PRDM10: variants seen among roughly 807,000 people sequenced by gnomAD.
The protein encoded by PRDM10 is PR domain zinc finger protein 10.
In PRDM10, 65 loss-of-function variants were observed where a neutral mutation model predicts 133.1. That is an observed-to-expected ratio of 0.49 (90% CI 0.40 to 0.60). The LOEUF is 0.60. PRDM10 is among the 20% of genes least tolerant of loss of function. The pLI is 0.00. For missense variants in PRDM10, 1,137 were observed against 1,507.1 expected (o/e 0.75, Z 4.07); for synonymous variants, 582 against 580.4 (o/e 1.00, Z -0.04).
intron 1 of PRDM10, among the ~76,000 whole-genome samples, chr11:129,997,288 T>C (rs1262055482): frequency 1.3e-5 from 2 of 152,158 alleles, no homozygotes; most frequent in East Asian, 3.8e-4. Flanking sequence ...CAGACCAGCC[T>C]GGGCAACGTG....
intron 12 of PRDM10, among the ~76,000 whole-genome samples, chr11:129,924,536 C>T (rs1206899484): frequency 6.6e-6 from 1 of 152,170 alleles, no homozygotes; most frequent in African/African-American, 2.4e-5. Flanking sequence ...GGGAGATGTT[C>T]CCAGCCCCTC....
At chr11:129,944,712 C>T in intron 6 of PRDM10, 59 bp downstream of exon 6, 1 of 1,592,062 alleles carries the variant, frequency 6.3e-7, no homozygotes. Context: ...GTAGACAACG[C>T]AGTGCTCCTT....
At position 129,947,275 on chromosome 11, in the gene PRDM10, CA is replaced by C; in HGVS notation, c.389del (p.Leu130ArgfsTer85). The C allele has an allele frequency of 6.2e-7, 1 of 1,614,182 alleles. No homozygotes were observed. The highest frequency in any genetic ancestry group is 8.5e-7 in the Non-Finnish European group (1 of 1,180,024). On this transcript the variant is annotated frameshift_variant, in exon 5 of 21. Coordinates refer to ENST00000360871, the MANE Select transcript of PRDM10 (RefSeq NM_199437.2). LOFTEE classifies it high-confidence loss of function. The surrounding 1 kb of genome is among the most constrained non-coding windows in gnomAD (Gnocchi z 4.6). ...LATLQTPLGR[L>X]EAKEEEDEDE... ...CCTCATCCTCTTCCTCTTTGGCCTC[CA>C]GTCTGCCTAGAGGGGTCTGCAGAGT...
intron 1 of PRDM10, among the ~76,000 whole-genome samples, chr11:130,001,364 C>G (rs1018690317): frequency 4.6e-5 from 7 of 152,086 alleles, no homozygotes; most frequent in Non-Finnish European, 1.0e-4. Flanking sequence ...GAGAACAGGT[C>G]AGAAAAAGAG....
chr11:129,971,948 T>C (rs1406506961), intron 1 of PRDM10, among the ~76,000 whole-genome samples: 1 of 152,176 alleles, frequency 6.6e-6, no homozygotes, highest in East Asian at 1.9e-4. Context: ...GGCTCAGGCA[T>C]GGCGGGCTGC....
At chr11:129,943,486 G>A (rs1951281489) in intron 6 of PRDM10, among the ~76,000 whole-genome samples, 1 of 152,202 alleles carries the variant, frequency 6.6e-6, no homozygotes, top group African/African-American at 2.4e-5. Flanking sequence ...TGCATTTGGA[G>A]ACAGGACTTT....
At position 129,947,476 on chromosome 11, in the gene PRDM10, C is replaced by A; in HGVS notation, c.295-106G>T. On this transcript the variant is annotated intron_variant, in intron 4 of 20. Transcript: ENST00000360871. The surrounding 1 kb of genome is among the most constrained non-coding windows in gnomAD (Gnocchi z 4.6). ...GCGCAAGGGCTGGCTGAAATCTAGT[C>A]TTCCTACCAACTCCTTCCAGGCCCT... The A allele has an allele frequency of 2.6e-6, 4 of 1,561,888 alleles. No homozygotes were observed. The highest frequency in any genetic ancestry group is 3.5e-6 in the Non-Finnish European group (4 of 1,150,932).
chr11:129,987,547 A>C (rs1938495248), intron 1 of PRDM10, among the ~76,000 whole-genome samples: 1 of 152,224 alleles, frequency 6.6e-6, no homozygotes, highest in Non-Finnish European at 1.5e-5. Flanking sequence ...TAATAAACCC[A>C]AGAGAAATAA....
At chr11:129,992,113 G>A (rs1163455962) in intron 1 of PRDM10, among the ~76,000 whole-genome samples, 1 of 152,216 alleles carries the variant, frequency 6.6e-6, no homozygotes, top group East Asian at 1.9e-4. Context: ...TCACTCAGGT[G>A]TACCTACAAC....
At chr11:129,937,921 A>G (rs1216179331) in intron 7 of PRDM10, among the ~76,000 whole-genome samples, 1 of 152,210 alleles carries the variant, frequency 6.6e-6, no homozygotes, top group Non-Finnish European at 1.5e-5. Flanking sequence ...ATAACTTCAC[A>G]AGAATTATAA....
At chr11:129,995,281 C>A (rs1486341097) in intron 1 of PRDM10, among the ~76,000 whole-genome samples, 1 of 152,206 alleles carries the variant, frequency 6.6e-6, no homozygotes, top group African/African-American at 2.4e-5. Context: ...ACATCCCCTG[C>A]CTGGGGCTGA....
At chr11:129,967,272 T>C (rs973574067) in intron 1 of PRDM10, among the ~76,000 whole-genome samples, 2 of 152,062 alleles carry the variant, frequency 1.3e-5, no homozygotes, top group African/African-American at 4.8e-5. Context: ...GCACCTGTAA[T>C]CCCAGCTACT....
At chr11:129,902,688 G>A (rs1005163741) in intron 20 of PRDM10, among the ~76,000 whole-genome samples, 172 bp from the exon 21 acceptor site, 20 of 152,238 alleles carry the variant, frequency 1.3e-4, no homozygotes, top group East Asian at 3.9e-4. Flanking sequence ...AATAATTGAC[G>A]ACAAAGATAA....
chr11:129,919,710 C>T (rs1387696807), intron 13 of PRDM10, among the ~76,000 whole-genome samples: 1 of 152,222 alleles, frequency 6.6e-6, no homozygotes, highest in African/African-American at 2.4e-5. Flanking sequence ...CCCATAAAGA[C>T]TCTGAGGCTT....
intron 6 of PRDM10, among the ~76,000 whole-genome samples, chr11:129,943,545 C>T (rs769392690): frequency 4.6e-5 from 7 of 152,070 alleles, no homozygotes; most frequent in Non-Finnish European, 1.0e-4. Flanking sequence ...GGCCCTAATC[C>T]AACAGGACTG....
At chr11:129,925,279 A>C in intron 11 of PRDM10, 50 bp from the exon 12 acceptor site, 1 of 1,491,318 alleles carries the variant, frequency 6.7e-7, no homozygotes, top group Non-Finnish European at 9.1e-7. Context: ...TTAAGAGTGC[A>C]ACTGGATCAC....
intron 1 of PRDM10, among the ~76,000 whole-genome samples, chr11:129,965,540 T>A (rs1951889163): frequency 6.6e-6 from 1 of 152,134 alleles, no homozygotes; most frequent in African/African-American, 2.4e-5. Flanking sequence ...CAGCCACAGC[T>A]ATACCTTGTC....
At chr11:129,957,447 A>G (rs1426581385) in intron 3 of PRDM10, among the ~76,000 whole-genome samples, 1 of 152,084 alleles carries the variant, frequency 6.6e-6, no homozygotes, top group East Asian at 1.9e-4. Context: ...CCTCCCACGT[A>G]GCTGGGATTA....
chr11:129,948,433 G>A (rs977446831), intron 4 of PRDM10, among the ~76,000 whole-genome samples: 3 of 152,106 alleles, frequency 2.0e-5, no homozygotes, highest in African/African-American at 7.2e-5. Flanking sequence ...CAGTTTCCCA[G>A]TGAACCGCCT....
Sources: gnomAD v4.1 joint callset for allele counts (sites outside exome capture counted in the v4.1 genomes callset) on GRCh38, gnomAD v4.1.1 for gene constraint, Gnocchi (gnomAD v3.1) non-coding constraint, MANE v1.5 for transcripts, NCBI Gene and HGNC (gene_info 2026-07-23, HGNC 2026-07-21) for gene names.